Variants in HECW1 observed in about 807,000 individuals in gnomAD.
HECW1 encodes the protein E3 ubiquitin-protein ligase HECW1.
In HECW1, 61 loss-of-function variants were observed where a neutral mutation model predicts 182.3. The ratio of observed to expected loss-of-function variants is 0.33; its 90% confidence interval spans 0.27 to 0.41. The LOEUF is 0.41. Among genes scored for constraint, HECW1 ranks in the 10% least tolerant of loss-of-function variants. The pLI is 1.00. For synonymous variants in HECW1, 859 were observed against 832.6 expected, an observed-to-expected ratio of 1.03 and a Z score of -0.55; for missense variants, 1,739 against 2,108.9, an observed-to-expected ratio of 0.82 and a Z score of 3.44.
At chr7:43,373,108 G>C (rs2074177421) in intron 6 of HECW1, among the ~76,000 whole-genome samples, 1 of 152,058 alleles carries the variant, frequency 6.6e-6, no homozygotes, top group Non-Finnish European at 1.5e-5. Context: ...AGAGATGGAG[G>C]CAAAGCAGAC....
At chr7:43,424,648 T>TA (rs1160799406) in intron 8 of HECW1, among the ~76,000 whole-genome samples, 1 of 151,820 alleles carries the variant, frequency 6.6e-6, no homozygotes, top group Non-Finnish European at 1.5e-5. Flanking sequence ...AATAAATAAA[T>TA]AAATAAAATA....
At chr7:43,185,465 A>G (rs528268292) in intron 2 of HECW1, among the ~76,000 whole-genome samples, 2 of 152,294 alleles carry the variant, frequency 1.3e-5, no homozygotes, top group South Asian at 2.1e-4. Context: ...AGTGGGGCCA[A>G]TCTTGTGGGA....
chr7:43,199,786 G>A (rs58293227), intron 2 of HECW1, among the ~76,000 whole-genome samples: 50,489 of 151,880 alleles, frequency 0.33, 9,308 homozygotes, highest in Non-Finnish European at 0.41. Flanking sequence ...TATTTCTCTC[G>A]TGTTCCAGTA....
chr7:43,348,215 A>G (rs931988138), intron 5 of HECW1, among the ~76,000 whole-genome samples: 1 of 152,042 alleles, frequency 6.6e-6, no homozygotes, highest in African/African-American at 2.4e-5. Flanking sequence ...TGCTCAGGGT[A>G]TCTAATTCTT....
At chr7:43,355,255 A>G (rs1814978276) in intron 5 of HECW1, among the ~76,000 whole-genome samples, 1 of 152,246 alleles carries the variant, frequency 6.6e-6, no homozygotes, top group Non-Finnish European at 1.5e-5. Flanking sequence ...ATCCACTAGT[A>G]AAATTAAGTA....
At chr7:43,521,524 T>C (rs2080473438) in intron 24 of HECW1, among the ~76,000 whole-genome samples, 1 of 152,224 alleles carries the variant, frequency 6.6e-6, no homozygotes, top group Admixed American at 6.5e-5. Flanking sequence ...GGGTTGAATA[T>C]ATGTGTTTTT....
chr7:43,400,540 A>G (rs945567827), intron 7 of HECW1, among the ~76,000 whole-genome samples: 1 of 152,220 alleles, frequency 6.6e-6, no homozygotes, highest in African/African-American at 2.4e-5. Flanking sequence ...AAAAGAAACT[A>G]TTCTATTGAC....
At chr7:43,451,472 G>C (rs2077233842) in intron 12 of HECW1, among the ~76,000 whole-genome samples, 1 of 152,180 alleles carries the variant, frequency 6.6e-6, no homozygotes, top group African/African-American at 2.4e-5. Context: ...CTTTAAGATA[G>C]AATTCAATGT....
At chr7:43,299,144 A>G (rs974149540) in intron 3 of HECW1, among the ~76,000 whole-genome samples, 1 of 152,230 alleles carries the variant, frequency 6.6e-6, no homozygotes, top group Non-Finnish European at 1.5e-5. Flanking sequence ...AAAATGTCTT[A>G]GTGAGATGAT....
intron 19 of HECW1, among the ~76,000 whole-genome samples, chr7:43,496,510 G>A (rs1042908315): frequency 1.3e-5 from 2 of 152,094 alleles, no homozygotes; most frequent in Admixed American, 6.5e-5. Flanking sequence ...CTTTCCATGA[G>A]GAGGCATCCA....
intron 2 of HECW1, among the ~76,000 whole-genome samples, chr7:43,194,157 T>C (rs757242967): frequency 6.6e-5 from 10 of 152,114 alleles, no homozygotes; most frequent in Non-Finnish European, 1.2e-4. Flanking sequence ...CCATATGGCC[T>C]GAACTGGTTT....
chr7:43,501,204 C>G lies in HECW1; in HGVS notation c.3522-9C>G. The stretch of plus-strand genomic sequence containing the variant: ...CTTTCTTTTTTTTTTTTTTTTTTTT[C>G]ATATGCAGTCTCTTTGAAGAAGAGA... On this transcript the variant is annotated splice_polypyrimidine_tract_variant and intron_variant, in intron 20 of 29. Transcript: ENST00000395891. 3.1e-5 allele frequency: 14 copies of G among 451,112 alleles called. No individual in the cohort carries two copies. The highest frequency in any genetic ancestry group is 4.6e-5 in the East Asian group (1 of 21,852). 27.9% of individuals were successfully genotyped at this position (451,112 alleles called of 1,614,324 possible).
At chr7:43,150,100 C>T (rs996042097) in intron 2 of HECW1, among the ~76,000 whole-genome samples, 5 of 152,156 alleles carry the variant, frequency 3.3e-5, no homozygotes, top group African/African-American at 1.2e-4. Context: ...GCAAATCAGG[C>T]ACTGTGCTGA....
chr7:43,158,776 C>T, intron 2 of HECW1, among the ~76,000 whole-genome samples: 1 of 152,178 alleles, frequency 6.6e-6, no homozygotes, highest in East Asian at 1.9e-4. Flanking sequence ...GGTAACTGCA[C>T]CATGCTCGTG....
chr7:43,452,477 G>A (rs77878760), intron 12 of HECW1, among the ~76,000 whole-genome samples: 1,889 of 152,282 alleles, frequency 0.012, 16 homozygotes, highest in Non-Finnish European at 0.021. Flanking sequence ...AGAAAAATTG[G>A]TAATGAATCC....
chr7:43,318,050 A>G (rs1809566967), intron 4 of HECW1, among the ~76,000 whole-genome samples: 1 of 152,192 alleles, frequency 6.6e-6, no homozygotes, highest in Non-Finnish European at 1.5e-5. Flanking sequence ...TCACCAGTGT[A>G]TCCCCAGGGT....
At chr7:43,396,078 A>G (rs919442725) in intron 6 of HECW1, among the ~76,000 whole-genome samples, 6 of 152,380 alleles carry the variant, frequency 3.9e-5, no homozygotes, top group Admixed American at 2.6e-4. Context: ...GCAAATAGGA[A>G]GAGTCATTCT....
chr7:43,197,551 C>T (rs1794584792), intron 2 of HECW1, among the ~76,000 whole-genome samples: 1 of 152,160 alleles, frequency 6.6e-6, no homozygotes. Flanking sequence ...GCTAAATAAC[C>T]TTCTACAGCT....
At chr7:43,543,222 T>C (rs1267369269) in intron 26 of HECW1, among the ~76,000 whole-genome samples, 4 of 152,184 alleles carry the variant, frequency 2.6e-5, no homozygotes, top group Non-Finnish European at 5.9e-5. Flanking sequence ...CAGCGGTTGT[T>C]GTGATAGTTA....
Sources: allele counts gnomAD v4.1 joint callset (sites outside exome capture counted in the v4.1 genomes callset), GRCh38; gene constraint gnomAD v4.1.1; transcripts MANE v1.5; gene names NCBI Gene and HGNC (gene_info 2026-07-23, HGNC 2026-07-21).